IFT122: variants seen among roughly 807,000 people sequenced by gnomAD.
IFT122 encodes the protein intraflagellar transport 122, also known as intraflagellar transport protein 122 homolog.
IFT122 carries 118 observed loss-of-function variants against 161.6 expected under a neutral mutation model. That is an observed-to-expected ratio of 0.73 (90% CI 0.63 to 0.85). The LOEUF (loss-of-function observed/expected upper bound fraction) is 0.85. Ranked by LOEUF, IFT122 falls within the 40% of genes least tolerant of loss-of-function variation. The probability of loss-of-function intolerance (pLI) is 0.00; values close to 1 mark genes in which losing one functional copy is unlikely to be tolerated. For synonymous variants in IFT122, 550 were observed against 602.4 expected, an observed-to-expected ratio of 0.91 and a Z score of 1.27; for missense variants, 1,381 against 1,579.6, an observed-to-expected ratio of 0.87 and a Z score of 2.13.
intron 14 of IFT122, among the ~76,000 whole-genome samples, chr3:129,482,064 T>A (rs535263775): frequency 6.6e-6 from 1 of 152,376 alleles, no homozygotes; most frequent in Non-Finnish European, 1.5e-5. Flanking sequence ...TGCAGAAGTC[T>A]GTGTCTCACC....
intron 28 of IFT122, 152 bp from the exon 29 acceptor site, chr3:129,519,416 C>G (rs906583419): frequency 3.5e-6 from 4 of 1,153,944 alleles, no homozygotes; most frequent in Middle Eastern, 2.8e-4. Flanking sequence ...AGCTTCAGCT[C>G]TGGTGGGAGG....
At position 129,520,086 on chromosome 3, in the gene IFT122, C is replaced by T. The variant is rs541412910; in HGVS notation, c.3637-90C>T. On this transcript the variant is annotated intron_variant, in intron 29 of 29. Transcript: ENST00000348417. ...CCAGCCCTGACCACTGCCAAGCCCC[C>T]TCCCCTTGAGAGGCAGTGCGTCCTG... 6 of 1,073,074 alleles carry T rather than the reference C, an allele frequency of 5.6e-6. No homozygotes were observed. In the East Asian group the frequency reaches 1.5e-4, roughly 27 times the overall value. The allele number at this position is 1,073,074 out of a possible 1,614,324, so 66.5% of individuals were successfully genotyped here.
At chr3:129,517,153 A>G in intron 26 of IFT122, among the ~76,000 whole-genome samples, 1 of 145,246 alleles carries the variant, frequency 6.9e-6, no homozygotes, top group South Asian at 2.2e-4. Flanking sequence ...GCCCCTGCAC[A>G]CACACGGAGA....
chr3:129,510,849 G>A (rs927021134), intron 23 of IFT122, among the ~76,000 whole-genome samples: 4 of 152,246 alleles, frequency 2.6e-5, no homozygotes, highest in African/African-American at 9.6e-5. Flanking sequence ...TGGTGACACG[G>A]TGGTGAACAA....
chr3:129,494,696 G>T (rs2080621090), intron 17 of IFT122, among the ~76,000 whole-genome samples: 3 of 151,910 alleles, frequency 2.0e-5, no homozygotes, highest in African/African-American at 7.3e-5. Context: ...GTGTGTGTGT[G>T]TGTGTGTGTG....
intron 29 of IFT122, among the ~76,000 whole-genome samples, 156 bp downstream of exon 29, chr3:129,519,888 C>A (rs1483776504): frequency 6.6e-6 from 1 of 152,154 alleles, no homozygotes; most frequent in Non-Finnish European, 1.5e-5. Context: ...GCTTGCATTC[C>A]ATGTGCATCT....
At chr3:129,519,853 C>T in intron 29 of IFT122, 121 bp downstream of exon 29, 1 of 1,223,476 alleles carries the variant, frequency 8.2e-7, no homozygotes, top group East Asian at 2.3e-5. Flanking sequence ...CAAGTTGGGA[C>T]AGAGGCTTGT....
chr3:129,481,222 T>A (rs1250834501), intron 13 of IFT122, among the ~76,000 whole-genome samples: 1 of 152,224 alleles, frequency 6.6e-6, no homozygotes, highest in African/African-American at 2.4e-5. Context: ...TGGCATCTCC[T>A]AAAGCTGCAG....
rs549264102 is a variant in IFT122 at position 129,464,272 on chromosome 3, C to A, written c.417-363C>A. ...GCACTGTTCTAGGGGTTGGAAGACACCAAGTCTGTTCTTAAGGTGCTCTTT... is the reference window on the plus strand; with the variant it reads ...GCACTGTTCTAGGGGTTGGAAGACAACAAGTCTGTTCTTAAGGTGCTCTTT... On this transcript the variant is annotated intron_variant, in intron 6 of 29. Coordinates refer to ENST00000348417, the MANE Select transcript of IFT122 (RefSeq NM_052989.3). Among the ~76,000 whole-genome samples the A allele has an allele frequency of 2.0e-4, 31 of 152,236 alleles. No homozygotes were observed. In the South Asian group the frequency reaches 6.2e-3, roughly 31 times the overall value.
At chr3:129,514,654 G>A in intron 25 of IFT122, 100 bp downstream of exon 25, 3 of 1,362,280 alleles carry the variant, frequency 2.2e-6, no homozygotes, top group Admixed American at 1.7e-5. Flanking sequence ...AGAGACAGCT[G>A]CAGCTCCCTC....
chr3:129,486,275 C>G (rs2079268159), intron 15 of IFT122, among the ~76,000 whole-genome samples: 1 of 152,190 alleles, frequency 6.6e-6, no homozygotes, highest in East Asian at 1.9e-4. Flanking sequence ...GGAAGGAGCA[C>G]CAGCTTTCAG....
chr3:129,500,294 G>A (rs911088357), intron 19 of IFT122, among the ~76,000 whole-genome samples: 35 of 152,214 alleles, frequency 2.3e-4, no homozygotes, highest in African/African-American at 8.4e-4. Flanking sequence ...AGGAGACACC[G>A]GGACATCACA....
In IFT122 at chr3:129,488,345, G is replaced by A. The variant is rs750301228; in HGVS notation, c.1940G>A (p.Arg647His). Residue 647 changes from arginine (R) to histidine (H), a missense_variant, in exon 16 of 30, where the codon CGT becomes CAT. Around this residue, in one of 7 missense-constraint regions of IFT122, gnomAD observed 544 missense variants for 648.0 expected, o/e 0.84. Transcript: ENST00000348417. ...TTGGGTGTCACAGACACTGATTGGC[G>A]TGAACTGGCCATGGAAGCGCTAGAA... The part of the protein sequence containing the change: ...ACLGVTDTDW[R>H]ELAMEALEGL... The A allele has an allele frequency of 8.0e-5, 129 of 1,614,072 alleles. No homozygotes were observed. Among genetic ancestry groups the A allele is most frequent in the Non-Finnish European group, 9.2e-5 (108 of 1,180,040 alleles).
At chr3:129,469,204 C>G (rs1003897127) in intron 8 of IFT122, 138 bp from the exon 9 acceptor site, 3 of 737,446 alleles carry the variant, frequency 4.1e-6, no homozygotes, top group Admixed American at 4.1e-5. Context: ...CAAATTATAA[C>G]TTTTGGCTTC....
chr3:129,444,590 C>T (rs1249829880), intron 1 of IFT122, among the ~76,000 whole-genome samples: 2 of 151,862 alleles, frequency 1.3e-5, no homozygotes, highest in Non-Finnish European at 1.5e-5. Flanking sequence ...GGCGCAATCT[C>T]GGCTCACTGC....
At chr3:129,463,394 T>C (rs959725340) in intron 5 of IFT122, 166 bp from the exon 6 acceptor site, 4 of 614,156 alleles carry the variant, frequency 6.5e-6, no homozygotes, top group Non-Finnish European at 1.2e-5. Flanking sequence ...GAATGTTATA[T>C]AAATGGAATC....
At position 129,517,537 on chromosome 3, in the gene IFT122, G is replaced by T; in HGVS notation, c.3334G>T (p.Asp1112Tyr). The change falls in exon 27 of 30, where the codon GAC becomes TAC. Residue 1112 changes from aspartate to tyrosine, a missense_variant. Asp to Tyr is a radical substitution (Grantham distance 160). Transcript: ENST00000348417. ...ITDEEAISLI[D>Y]LEVLRPKRDD... ...TGATGAAGAAGCCATCTCCCTCATC[G>T]ACCTGGAGGTGCTGAGACCCAAGCG... is the stretch of plus-strand genomic sequence containing the variant. 6.2e-7 allele frequency: 1 copy of T among 1,613,978 alleles called. No individual in the cohort carries two copies. Among genetic ancestry groups the T allele is most frequent in the Non-Finnish European group, 8.5e-7 (1 of 1,179,946 alleles).
chr3:129,448,808 C>A (rs1577196101), intron 1 of IFT122, among the ~76,000 whole-genome samples: 1 of 152,168 alleles, frequency 6.6e-6, no homozygotes, highest in South Asian at 2.1e-4. Flanking sequence ...TCTCCTGCCT[C>A]AGCCTCTCGA....
At chr3:129,476,927 G>A in intron 11 of IFT122, 126 bp downstream of exon 11, 1 of 1,134,116 alleles carries the variant, frequency 8.8e-7, no homozygotes, top group Non-Finnish European at 1.3e-6. Flanking sequence ...GTTAGCCACT[G>A]GGTCTGTGTC....
Sources: allele counts gnomAD v4.1 joint callset (sites outside exome capture counted in the v4.1 genomes callset), GRCh38; gene constraint gnomAD v4.1.1; regional missense constraint gnomAD v4.1.1; transcripts MANE v1.5; gene names NCBI Gene and HGNC (gene_info 2026-07-23, HGNC 2026-07-21).